The following KAZN variants were observed in gnomAD, a reference collection of about 807,000 sequenced individuals.
KAZN encodes kazrin, periplakin interacting protein, also known as kazrin.
A neutral mutation model predicts 87.4 loss-of-function variants in KAZN; 40 were observed. That is an observed-to-expected ratio of 0.46 (90% CI 0.36 to 0.60). KAZN has a LOEUF of 0.60. KAZN is among the 20% of genes least tolerant of loss of function. The pLI is 0.00. For synonymous variants in KAZN, 466 were observed against 458.3 expected, an observed-to-expected ratio of 1.02 and a Z score of -0.22; for missense variants, 898 against 1,073.9, an observed-to-expected ratio of 0.84 and a Z score of 2.29.
intron 1 of KAZN, among the ~76,000 whole-genome samples, chr1:14,779,678 C>G (rs1428259483): frequency 4.7e-4 from 71 of 152,326 alleles, no homozygotes; most frequent in Non-Finnish European, 1.5e-5. Context: ...AGGCTCTCTT[C>G]TATGAACAGT....
intron 1 of KAZN, among the ~76,000 whole-genome samples, chr1:14,627,518 C>T (rs1679235218): frequency 6.6e-6 from 1 of 152,170 alleles, no homozygotes; most frequent in Non-Finnish European, 1.5e-5. Context: ...CCTCACTCCC[C>T]TCCTATCACT....
intron 1 of KAZN, among the ~76,000 whole-genome samples, chr1:14,783,950 C>T (rs1255591778): frequency 6.6e-6 from 1 of 152,156 alleles, no homozygotes; most frequent in Non-Finnish European, 1.5e-5. Flanking sequence ...TTGGGGTCCT[C>T]ATCTGTGGAC....
intron 1 of KAZN, among the ~76,000 whole-genome samples, chr1:13,922,008 T>C (rs1640087722): frequency 6.6e-6 from 1 of 152,154 alleles, no homozygotes; most frequent in African/African-American, 2.4e-5. Context: ...TTTTTCCATG[T>C]GTCTTTTCCT....
At chr1:14,495,511 G>A (rs1462778911) in intron 2 of KAZN, among the ~76,000 whole-genome samples, 1 of 152,124 alleles carries the variant, frequency 6.6e-6, no homozygotes, top group Non-Finnish European at 1.5e-5. Flanking sequence ...TTCCTTTCTG[G>A]TAGATGAGGC....
intron 2 of KAZN, among the ~76,000 whole-genome samples, chr1:14,564,319 A>G (rs1382636254): frequency 6.6e-6 from 1 of 152,210 alleles, no homozygotes; most frequent in African/African-American, 2.4e-5. Flanking sequence ...TTGTGAATCC[A>G]GGTAGCACAC....
At chr1:14,870,555 A>G (rs574796965) in intron 1 of KAZN, among the ~76,000 whole-genome samples, 1 of 152,030 alleles carries the variant, frequency 6.6e-6, no homozygotes, top group Non-Finnish European at 1.5e-5. Flanking sequence ...TGGCCAGGCT[A>G]CTCTCAAACT....
At chr1:14,305,384 T>G (rs879352637) in intron 2 of KAZN, among the ~76,000 whole-genome samples, 1 of 152,146 alleles carries the variant, frequency 6.6e-6, no homozygotes, top group Non-Finnish European at 1.5e-5. Flanking sequence ...TACACTTGCA[T>G]TTTTAGGGAG....
chr1:14,675,221 G>A (rs1640147271), intron 1 of KAZN, among the ~76,000 whole-genome samples: 1 of 152,198 alleles, frequency 6.6e-6, no homozygotes, highest in Non-Finnish European at 1.5e-5. Flanking sequence ...TTCACACCAA[G>A]AGGGCAGCAG....
chr1:14,035,552 T>G (rs1163789410), intron 1 of KAZN, among the ~76,000 whole-genome samples: 1 of 151,548 alleles, frequency 6.6e-6, no homozygotes, highest in African/African-American at 2.4e-5. Flanking sequence ...CTCTGCCTCC[T>G]GGGCTCAAGC....
In KAZN at chr1:14,824,848, G is replaced by C. The variant is rs1646838938; in HGVS notation, c.227-135836G>C. Reference sequence around the variant, plus strand: ...ACACTTGGTGGCAGAGAATTCCTTGGCTTGGCTCTATGAACCATGAGATAT... The same window carrying C: ...ACACTTGGTGGCAGAGAATTCCTTGCCTTGGCTCTATGAACCATGAGATAT... On this transcript the variant is annotated intron_variant, in intron 1 of 14. Transcript: ENST00000376030. Among the ~76,000 whole-genome samples, 5 of 152,168 alleles carry C rather than the reference G, an allele frequency of 3.3e-5. No homozygotes were observed. In the South Asian group the frequency reaches 1.0e-3, roughly 32 times the overall value.
At chr1:14,891,347 A>G (rs1470319437) in intron 1 of KAZN, among the ~76,000 whole-genome samples, 7 of 152,190 alleles carry the variant, frequency 4.6e-5, no homozygotes, top group Admixed American at 3.3e-4. Context: ...AGTCCATTGT[A>G]TCATTCTTAT....
chr1:14,688,451 C>T (rs1037690252), intron 1 of KAZN, among the ~76,000 whole-genome samples: 4 of 152,184 alleles, frequency 2.6e-5, no homozygotes, highest in Admixed American at 6.5e-5. Flanking sequence ...ATCACGTGCC[C>T]GGCAGCATCT....
rs560594280 is a variant in KAZN at position 15,000,770 on chromosome 1, T to G, written c.419-33979T>G. On this transcript the variant is annotated intron_variant, in intron 2 of 14. Transcript: ENST00000376030. ...GAAAGAGGGGGTGTGCCTGGCACAG[T>G]GCTTGTACGTTTGGATCAACATTAG... Among the ~76,000 whole-genome samples the G allele has an allele frequency of 2.6e-5, 4 of 152,076 alleles. No homozygotes were observed. The East Asian group carries it at 7.7e-4, about 29-fold the overall frequency.
chr1:14,188,092 G>A (rs1045354051), intron 2 of KAZN, among the ~76,000 whole-genome samples: 1 of 151,896 alleles, frequency 6.6e-6, no homozygotes, highest in African/African-American at 2.4e-5. Context: ...TTGTCTTAAA[G>A]AAACACTGTA....
chr1:14,238,096 C>T (rs1373043166), intron 2 of KAZN, among the ~76,000 whole-genome samples: 1 of 152,130 alleles, frequency 6.6e-6, no homozygotes, highest in African/African-American at 2.4e-5. Flanking sequence ...TTGAAGTGTA[C>T]AATTCATGGT....
In KAZN at chr1:14,689,193, TCAAAACAAAACAAAA is replaced by T. The variant is rs3081470; in HGVS notation, c.226+90003_226+90017del. 7.1e-3 allele frequency among the ~76,000 whole-genome samples: 1,052 copies of T among 147,874 alleles called. 9 individuals are homozygous for T. Among genetic ancestry groups the T allele is most frequent in the African/African-American group, 0.017 (678 of 39,898 alleles). Reference sequence around the variant, plus strand: ...CTGGGCGACAGAGTCAGACTCTGTCTCAAAACAAAACAAAACAAAACAAAACAAAACAAAACAAAA... The same window carrying T: ...CTGGGCGACAGAGTCAGACTCTGTCTCAAAACAAAACAAAACAAAACAAAA... On this transcript the variant is annotated intron_variant, in intron 1 of 14. Coordinates refer to ENST00000376030, the MANE Select transcript of KAZN (RefSeq NM_201628.3).
chr1:14,364,980 T>C (rs998802898), intron 2 of KAZN, among the ~76,000 whole-genome samples: 1 of 151,860 alleles, frequency 6.6e-6, no homozygotes, highest in East Asian at 1.9e-4. Context: ...TGGCCTTAAG[T>C]GATCTTCCCA....
chr1:14,838,216 CT>C (rs1214328913), intron 1 of KAZN, among the ~76,000 whole-genome samples: 3 of 152,186 alleles, frequency 2.0e-5, no homozygotes, highest in African/African-American at 7.2e-5. Flanking sequence ...AGTCTCTTTT[CT>C]AAAGACCTTA....
intron 2 of KAZN, among the ~76,000 whole-genome samples, chr1:14,334,847 G>A (rs749198542): frequency 9.2e-5 from 14 of 152,100 alleles, no homozygotes; most frequent in South Asian, 4.2e-4. Flanking sequence ...CAGGACAAAC[G>A]CAGAGGCAGA....
Sources: allele counts gnomAD v4.1 joint callset (sites outside exome capture counted in the v4.1 genomes callset), GRCh38; gene constraint gnomAD v4.1.1; transcripts MANE v1.5; gene names NCBI Gene and HGNC (gene_info 2026-07-23, HGNC 2026-07-21).